KIF1C: variants seen among roughly 807,000 people sequenced by gnomAD.
The protein encoded by KIF1C is kinesin-like protein KIF1C.
KIF1C carries 61 observed loss-of-function variants against 126.5 expected under a neutral mutation model. That is an observed-to-expected ratio of 0.48 (90% CI 0.39 to 0.60). The LOEUF (loss-of-function observed/expected upper bound fraction) is 0.60, where lower values mean the gene tolerates loss of function less well. KIF1C is among the 20% of genes least tolerant of loss of function. KIF1C has a pLI of 0.00. For synonymous variants in KIF1C, 640 were observed against 580.6 expected (o/e 1.10, Z -1.47); for missense variants, 1,315 against 1,489.2 (o/e 0.88, Z 1.93).
chr17:5,003,248 T>C (rs990854522), intron 8 of KIF1C, among the ~76,000 whole-genome samples: 2 of 152,064 alleles, frequency 1.3e-5, no homozygotes, highest in Middle Eastern at 3.2e-3. Flanking sequence ...GGTTTCGCCA[T>C]GTTGGCCAGG....
At chr17:5,000,419 C>A in intron 3 of KIF1C, 67 bp downstream of exon 3, 2 of 1,073,640 alleles carry the variant, frequency 1.9e-6, no homozygotes, top group South Asian at 2.7e-5. Flanking sequence ...ACAGGCCAGT[C>A]CCGCTGGGCC....
At position 5,023,890 on chromosome 17, in the gene KIF1C, C is replaced by T. The variant is rs746264584; in HGVS notation, c.3051C>T (p.Ala1017=). 7.1e-6 allele frequency: 11 copies of T among 1,546,486 alleles called. No homozygotes were observed. The East Asian group carries it at 2.3e-4, about 32-fold the overall frequency. Residue 1017 remains alanine (A), a synonymous_variant, in exon 23 of 23, where the codon GCC becomes GCT. Transcript: ENST00000320785. This position sits in a 1 kb window ranked among gnomAD's most constrained non-coding sequence, Gnocchi z 4.2. The part of the protein sequence containing the change: ...EEVTPHPATP[A]RRPPSPRRSH... ...TCACTCCCCATCCAGCCACCCCTGC[C>T]CGCCGGCCTCCGAGTCCCCGAAGGT...
Position 5,022,067 on chromosome 17 carries a change from T to TTCC in KIF1C, c.2011-22_2011-20dup, listed in dbSNP as rs2015285438. Reference sequence around the variant, plus strand: ...GGCTCTGGATGTCCTTAGCCCTCTCTTCCTCTTTCTTTCTCTGGCCCCAGT... The same window carrying TTCC: ...GGCTCTGGATGTCCTTAGCCCTCTCTTCCTCCTCTTTCTTTCTCTGGCCCCAGT... On this transcript the variant is annotated intron_variant, in intron 21 of 22. Coordinates refer to ENST00000320785, the MANE Select transcript of KIF1C (RefSeq NM_006612.6). This position sits in a 1 kb window ranked among gnomAD's most constrained non-coding sequence, Gnocchi z 4.9. 1 of 1,575,960 alleles carries TTCC rather than the reference T, an allele frequency of 6.3e-7. No individual in the cohort carries two copies. Among genetic ancestry groups the TTCC allele is most frequent in the South Asian group, 1.2e-5 (1 of 85,950 alleles).
rs1370741069 is a variant in KIF1C, at chr17:5,023,983, T to C, written c.3144T>C (p.Pro1048=). 6.3e-7 allele frequency: 1 copy of C among 1,596,730 alleles called. No homozygotes were observed. The highest frequency in any genetic ancestry group is 1.1e-5 in the South Asian group (1 of 88,864). ...GRSRGAGSAQ[P]EPQHFQPKKH... The stretch of plus-strand genomic sequence containing the variant: ...CCCGGGGAGCGGGTTCTGCACAGCC[T>C]GAACCCCAGCACTTCCAGCCCAAAA... The change falls in exon 23 of 23, where the codon CCT becomes CCC. Residue 1048 remains proline, a synonymous_variant. Coordinates refer to ENST00000320785, the MANE Select transcript of KIF1C (RefSeq NM_006612.6). The surrounding 1 kb of genome is among the most constrained non-coding windows in gnomAD (Gnocchi z 4.2).
chr17:5,021,169 G>GTTTTTTTT (rs765920431), intron 21 of KIF1C, among the ~76,000 whole-genome samples: 5 of 77,394 alleles, frequency 6.5e-5, no homozygotes, highest in Admixed American at 1.9e-4. Context: ...GATTGTTGTG[G>GTTTTTTTT]TTTTTTTTTT....
At chr17:5,003,812 G>A in intron 9 of KIF1C, 39 bp from the exon 10 acceptor site, 3 of 1,589,674 alleles carry the variant, frequency 1.9e-6, no homozygotes, top group East Asian at 2.2e-5. Context: ...CACATTGGGA[G>A]AAGAGGGTCT....
At chr17:5,005,161 C>A (rs1974698527) in intron 13 of KIF1C, among the ~76,000 whole-genome samples, 161 bp downstream of exon 13, 1 of 152,178 alleles carries the variant, frequency 6.6e-6, no homozygotes, top group African/African-American at 2.4e-5. Context: ...GAACGTATGT[C>A]TTCAGATGTT....
intron 18 of KIF1C, among the ~76,000 whole-genome samples, chr17:5,018,254 T>C (rs1313721988): frequency 6.6e-6 from 1 of 152,174 alleles, no homozygotes; most frequent in Non-Finnish European, 1.5e-5. Context: ...GTGCTGGGAT[T>C]ACAGGCGTGA....
chr17:5,006,727 A>G (rs933323373), intron 13 of KIF1C, among the ~76,000 whole-genome samples, 188 bp from the exon 14 acceptor site: 1 of 152,164 alleles, frequency 6.6e-6, no homozygotes, highest in African/African-American at 2.4e-5. Flanking sequence ...CCTGGAGTTC[A>G]AGTAGAGAGA....
chr17:4,999,012 G>C (rs1158844900), intron 1 of KIF1C: 1 of 152,346 alleles, frequency 6.6e-6, no homozygotes, highest in Non-Finnish European at 1.5e-5. Flanking sequence ...CTCCCTTTTA[G>C]GGAGGCCCCA....
At chr17:5,019,065 TCTCC>T (rs1975036603) in intron 18 of KIF1C, 1 of 156,700 alleles carries the variant, frequency 6.4e-6, no homozygotes, top group African/African-American at 2.4e-5. Context: ...GGCTTCTGAG[TCTCC>T]CTCTGCTCCT....
rs1248555798 is a variant in KIF1C, at chr17:5,022,456, C to G, written c.2375C>G (p.Pro792Arg). 6.3e-7 allele frequency: 1 copy of G among 1,584,270 alleles called. No individual in the cohort carries two copies. Among genetic ancestry groups the G allele is most frequent in the East Asian group, 2.3e-5 (1 of 43,506 alleles). Residue 792 changes from proline to arginine, a missense_variant, in exon 22 of 23, where the codon CCC becomes CGC. Pro to Arg is a moderately radical substitution (Grantham distance 103, BLOSUM62 -2). Coordinates refer to ENST00000320785, the MANE Select transcript of KIF1C (RefSeq NM_006612.6). The surrounding 1 kb of genome is among the most constrained non-coding windows in gnomAD (Gnocchi z 4.9). ...LCRTYGKPDG[P>R]GDAWRAVARD... ...CGCACCTATGGCAAGCCAGACGGCC[C>G]CGGAGACGCCTGGAGGGCTGTGGCC... is the stretch of plus-strand genomic sequence containing the variant.
intron 6 of KIF1C, 147 bp downstream of exon 6, chr17:5,002,271 G>A: frequency 2.1e-6 from 2 of 955,726 alleles, no homozygotes; most frequent in East Asian, 4.8e-5. Context: ...AGCTTCGTAT[G>A]TTCATCTGGG....
chr17:5,024,102 G>A lies in KIF1C; in HGVS notation c.3263G>A (p.Arg1088Lys), dbSNP rs1313221020. Reference protein sequence around the residue: ...YPPYTTPPRMRRQRSAPDLKE... With the variant: ...YPPYTTPPRMKRQRSAPDLKE... Reference sequence around the variant, plus strand: ...CCATACACTACTCCCCCACGAATGAGACGGCAGCGTTCTGCCCCTGACCTC... The same window carrying A: ...CCATACACTACTCCCCCACGAATGAAACGGCAGCGTTCTGCCCCTGACCTC... Residue 1088 changes from arginine (R) to lysine (K), a missense_variant, in exon 23 of 23, where the codon AGA becomes AAA. Arg to Lys is a conservative substitution (Grantham distance 26). Transcript: ENST00000320785. 3.7e-6 allele frequency: 6 copies of A among 1,610,708 alleles called. No homozygotes were observed. Among genetic ancestry groups the A allele is most frequent in the Non-Finnish European group, 5.1e-6 (6 of 1,178,508 alleles).
Position 5,024,340 on chromosome 17 carries a change from G to A in KIF1C, c.*189G>A. 1 of 494,404 alleles carries A rather than the reference G, an allele frequency of 2.0e-6. No homozygotes were observed. The highest frequency in any genetic ancestry group is 3.6e-6 in the Non-Finnish European group (1 of 281,660). The allele number at this position is 494,404 out of a possible 1,614,324, so 30.6% of individuals were successfully genotyped here. A position where few individuals can be genotyped will look rare whatever the true frequency, so the allele number is the denominator to read the frequency against. ...GAGGAAAGGAAGAGGGCACGGAGTT[G>A]CCAGGAGCAAACCAAAGTGAAGAGA... On this transcript the variant is annotated 3_prime_UTR_variant, in exon 23 of 23. Coordinates refer to ENST00000320785, the MANE Select transcript of KIF1C (RefSeq NM_006612.6).
Position 5,023,954 on chromosome 17 carries a change from C to T in KIF1C, c.3115C>T (p.Arg1039Ter). The change falls in exon 23 of 23, where the codon CGA (arginine) becomes TGA (stop). Residue 1039 changes from arginine to a stop codon, truncating the protein, a stop_gained. Coordinates refer to ENST00000320785, the MANE Select transcript of KIF1C (RefSeq NM_006612.6). LOFTEE classifies it high-confidence loss of function. This position sits in a 1 kb window ranked among gnomAD's most constrained non-coding sequence, Gnocchi z 4.2. Reference sequence around the variant, plus strand: ...CAGGAACTCCCTGGATGGAGGGGGCCGATCCCGGGGAGCGGGTTCTGCACA... The same window carrying T: ...CAGGAACTCCCTGGATGGAGGGGGCTGATCCCGGGGAGCGGGTTCTGCACA... ...PRRNSLDGGGRSRGAGSAQPE... is the reference protein window; with the variant it reads ...PRRNSLDGGG 2.5e-6 allele frequency: 4 copies of T among 1,577,434 alleles called. No homozygotes were observed. The highest frequency in any genetic ancestry group is 2.3e-5 in the East Asian group (1 of 44,234).
chr17:5,017,367 T>A (rs1260873956), intron 18 of KIF1C, among the ~76,000 whole-genome samples: 1 of 144,230 alleles, frequency 6.9e-6, no homozygotes, highest in Admixed American at 7.1e-5. Flanking sequence ...TGGCGCGATC[T>A]CGGCTCACTG....
rs1406913083 is a variant in KIF1C at position 5,007,326 on chromosome 17, G to A, written c.1399G>A (p.Ala467Thr). 5 of 1,613,676 alleles carry A rather than the reference G, an allele frequency of 3.1e-6. No individual in the cohort carries two copies. Among genetic ancestry groups the A allele is most frequent in the Non-Finnish European group, 3.4e-6 (4 of 1,179,778 alleles). Residue 467 changes from alanine (A) to threonine (T), a missense_variant, in exon 15 of 23, where the codon GCC becomes ACC. Around this residue, in one of 2 missense-constraint regions of KIF1C, gnomAD observed 874 missense variants for 1,053.2 expected, o/e 0.83. Transcript: ENST00000320785. ...GGAGGAGAAGCTACGCAAGACAGAAGCCCTGAGGATGGAGAGGTGTGAGGG... is the reference window on the plus strand; with the variant it reads ...GGAGGAGAAGCTACGCAAGACAGAAACCCTGAGGATGGAGAGGTGTGAGGG... ...TWEEKLRKTE[A>T]LRMEREALLA...
At chr17:5,010,968 T>G (rs965711792) in intron 16 of KIF1C, among the ~76,000 whole-genome samples, 12 of 151,382 alleles carry the variant, frequency 7.9e-5, no homozygotes, top group Admixed American at 6.6e-5. Context: ...CCACCACCAC[T>G]CCTGGCTAAT....
Sources: gnomAD v4.1 joint callset for allele counts (sites outside exome capture counted in the v4.1 genomes callset) on GRCh38, gnomAD v4.1.1 for gene constraint, gnomAD v4.1.1 regional missense constraint, Gnocchi (gnomAD v3.1) non-coding constraint, MANE v1.5 for transcripts, NCBI Gene and HGNC (gene_info 2026-07-23, HGNC 2026-07-21) for gene names.